Variants in DGKB observed in about 807,000 individuals in gnomAD.
DGKB encodes 90 kDa diacylglycerol kinase.
A neutral mutation model predicts 114.3 loss-of-function variants in DGKB; 67 were observed. The observed-to-expected ratio is 0.59, with a 90% CI of 0.48 to 0.72. The LOEUF (loss-of-function observed/expected upper bound fraction) is 0.72, where lower values mean the gene tolerates loss of function less well. Among genes scored for constraint, DGKB ranks in the 30% least tolerant of loss-of-function variants. The probability of loss-of-function intolerance (pLI) is 0.00; values close to 1 mark genes in which losing one functional copy is unlikely to be tolerated. For synonymous variants in DGKB, 398 were observed against 323.1 expected (o/e 1.23, Z -2.49); for missense variants, 907 against 975.2 (o/e 0.93, Z 0.93).
intron 21 of DGKB, among the ~76,000 whole-genome samples, chr7:14,374,045 C>T (rs1818104313): frequency 6.6e-6 from 1 of 152,012 alleles, no homozygotes; most frequent in African/African-American, 2.4e-5. Context: ...TCATGCTCTC[C>T]TCTTCTCTTC....
chr7:14,251,130 A>G (rs768940514), intron 23 of DGKB, among the ~76,000 whole-genome samples: 2 of 152,076 alleles, frequency 1.3e-5, no homozygotes, highest in Non-Finnish European at 2.9e-5. Context: ...CTCAAATTTA[A>G]TGTAATTGTT....
intron 13 of DGKB, among the ~76,000 whole-genome samples, chr7:14,639,193 T>C (rs1585257251): frequency 6.6e-6 from 1 of 152,018 alleles, no homozygotes; most frequent in South Asian, 2.1e-4. Flanking sequence ...AAAGTGTGGG[T>C]GTAATAAGAT....
chr7:14,636,632 G>T (rs1446747239), intron 13 of DGKB, among the ~76,000 whole-genome samples: 1 of 151,736 alleles, frequency 6.6e-6, no homozygotes, highest in African/African-American at 2.4e-5. Context: ...TTTAAGAATT[G>T]GGTAGGAATC....
chr7:14,178,691 T>C (rs1782179312), intron 23 of DGKB, among the ~76,000 whole-genome samples: 2 of 152,192 alleles, frequency 1.3e-5, no homozygotes, highest in Admixed American at 6.5e-5. Flanking sequence ...AATAGGTAAC[T>C]GTACAGAAGT....
intron 23 of DGKB, among the ~76,000 whole-genome samples, chr7:14,237,979 T>C (rs1454281585): frequency 6.6e-6 from 1 of 152,082 alleles, no homozygotes; most frequent in Non-Finnish European, 1.5e-5. Context: ...CACAATATTA[T>C]TTTTGTATTA....
chr7:14,549,081 G>A (rs912305369), intron 20 of DGKB, among the ~76,000 whole-genome samples: 7 of 151,928 alleles, frequency 4.6e-5, no homozygotes, highest in Admixed American at 2.0e-4. Flanking sequence ...AGTAAAGTTA[G>A]AAAATCTCTT....
upstream of DGKB, among the ~76,000 whole-genome samples, chr7:14,903,688 T>C (rs1327029133): frequency 6.6e-6 from 1 of 152,094 alleles, no homozygotes; most frequent in Admixed American, 6.5e-5. Flanking sequence ...GGCAGTTAAA[T>C]ATTGGGAGAA....
intron 1 of DGKB, among the ~76,000 whole-genome samples, chr7:14,888,229 C>T (rs1378115458): frequency 6.6e-6 from 1 of 151,578 alleles, no homozygotes; most frequent in Non-Finnish European, 1.5e-5. Flanking sequence ...ATGGTAATGG[C>T]TAAGGAAGTA....
intron 23 of DGKB, chr7:14,209,621 C>A: frequency 2.5e-6 from 1 of 404,898 alleles, no homozygotes; most frequent in East Asian, 7.6e-5. Flanking sequence ...TAAGCTTTAC[C>A]AATCTCCCAT....
chr7:14,281,635 A>G (rs1407032838), intron 23 of DGKB, among the ~76,000 whole-genome samples: 7 of 149,918 alleles, frequency 4.7e-5, no homozygotes, highest in Non-Finnish European at 1.0e-4. Flanking sequence ...AGCTAATGTA[A>G]AAGAACAGAA....
At chr7:14,329,298 G>A (rs925959607) in intron 23 of DGKB, among the ~76,000 whole-genome samples, 25 of 151,930 alleles carry the variant, frequency 1.6e-4, no homozygotes, top group African/African-American at 5.8e-4. Context: ...AAGTGCTAGA[G>A]TGTGGCCATT....
At chr7:14,571,825 A>C (rs1204527198) in intron 20 of DGKB, among the ~76,000 whole-genome samples, 1 of 152,212 alleles carries the variant, frequency 6.6e-6, no homozygotes, top group Non-Finnish European at 1.5e-5. Flanking sequence ...ATCTCTAGAC[A>C]ACCATTTTGA....
intron 2 of DGKB, among the ~76,000 whole-genome samples, chr7:14,758,911 A>AGATAGATAGAT (rs1835275202): frequency 6.7e-6 from 1 of 148,534 alleles, no homozygotes; most frequent in African/African-American, 2.6e-5. Flanking sequence ...ATAGATAGAT[A>AGATAGATAGAT]GATAGATAGA....
chr7:14,273,683 T>A lies in DGKB; in HGVS notation c.2122+64832A>T, dbSNP rs529223910. Reference sequence around the variant, plus strand: ...GAATGACAACTCTACATACAAATACTGGCTGTATCTCCACTGGCTAAGCTC... The same window carrying A: ...GAATGACAACTCTACATACAAATACAGGCTGTATCTCCACTGGCTAAGCTC... On this transcript the variant is annotated intron_variant, in intron 23 of 25. Coordinates refer to ENST00000402815, the MANE Select transcript of DGKB (RefSeq NM_001350709.2). 3.3e-5 allele frequency among the ~76,000 whole-genome samples: 5 copies of A among 152,362 alleles called. No individual in the cohort carries two copies. The South Asian group carries it at 1.0e-3, about 32-fold the overall frequency.
At chr7:14,738,053 A>G (rs900051502) in intron 4 of DGKB, among the ~76,000 whole-genome samples, 2 of 152,242 alleles carry the variant, frequency 1.3e-5, no homozygotes, top group Non-Finnish European at 2.9e-5. Flanking sequence ...ACTTAAAAAC[A>G]TGGCGATTAG....
chr7:14,943,581 T>G (rs1785692733), intron 1 of DGKB, among the ~76,000 whole-genome samples: 1 of 151,786 alleles, frequency 6.6e-6, no homozygotes, highest in Non-Finnish European at 1.5e-5. Flanking sequence ...GAGACATTTT[T>G]TGGCCAGACA....
chr7:14,570,457 G>T (rs928150926), intron 20 of DGKB, among the ~76,000 whole-genome samples: 1 of 152,020 alleles, frequency 6.6e-6, no homozygotes, highest in African/African-American at 2.4e-5. Flanking sequence ...AAAAAAATTG[G>T]AGCATAACAT....
chr7:14,520,419 G>A (rs1271618105), intron 20 of DGKB, among the ~76,000 whole-genome samples: 1 of 151,220 alleles, frequency 6.6e-6, no homozygotes, highest in Admixed American at 6.6e-5. Flanking sequence ...TATAAACTTA[G>A]GTTACTAAGG....
At chr7:14,252,195 C>T (rs1364529926) in intron 23 of DGKB, among the ~76,000 whole-genome samples, 3 of 152,036 alleles carry the variant, frequency 2.0e-5, no homozygotes, top group Non-Finnish European at 4.4e-5. Flanking sequence ...ATTCTTCTTA[C>T]CCAGATCAAG....
Sources: allele counts gnomAD v4.1 joint callset (sites outside exome capture counted in the v4.1 genomes callset), GRCh38; gene constraint gnomAD v4.1.1; transcripts MANE v1.5; gene names NCBI Gene and HGNC (gene_info 2026-07-23, HGNC 2026-07-21).